Variants in DAO observed in about 807,000 individuals in gnomAD.
The protein encoded by DAO is D-amino acid oxidase.
In DAO, 51 loss-of-function variants were observed where a neutral mutation model predicts 50.1. The observed-to-expected ratio is 1.02, with a 90% CI of 0.81 to 1.29. The LOEUF (loss-of-function observed/expected upper bound fraction) is 1.29, where lower values mean the gene tolerates loss of function less well. DAO is among the 50% of genes most tolerant of loss of function. The probability of loss-of-function intolerance (pLI) is 0.00; values close to 1 mark genes in which losing one functional copy is unlikely to be tolerated. For synonymous variants in DAO, 160 were observed against 166.2 expected (o/e 0.96, Z 0.29); for missense variants, 436 against 439.4 (o/e 0.99, Z 0.07).
chr12:108,881,434 G>A (rs148471027), intron 1 of DAO, among the ~76,000 whole-genome samples: 1 of 137,566 alleles, frequency 7.3e-6, no homozygotes, highest in Non-Finnish European at 1.5e-5. Flanking sequence ...TCTGTCTCTG[G>A]CTTGTCATGA....
intron 7 of DAO, among the ~76,000 whole-genome samples, chr12:108,895,601 GGT>G (rs758373546): frequency 0.028 from 3,674 of 131,168 alleles, 164 homozygotes; most frequent in African/African-American, 0.098. Flanking sequence ...CGTGTGTGAT[GGT>G]GTGTGTGTGT....
chr12:108,897,050 A>G lies in DAO; in HGVS notation c.657A>G (p.Pro219=). The change falls in exon 8 of 11, where the codon CCA becomes CCG. Residue 219 remains proline (P), a synonymous_variant. Transcript: ENST00000228476. Reference sequence around the variant, plus strand: ...AGCACTTCATTCTCACCCATGACCCAGAGAGAGGCATCTACAATTCCCCGT... The same window carrying G: ...AGCACTTCATTCTCACCCATGACCCGGAGAGAGGCATCTACAATTCCCCGT... ...WMKHFILTHD[P]ERGIYNSPYI... The G allele has an allele frequency of 6.2e-7, 1 of 1,614,040 alleles. No individual in the cohort carries two copies. The highest frequency in any genetic ancestry group is 1.3e-5 in the African/African-American group (1 of 75,044).
At chr12:108,882,848 A>T (rs1300308861) in intron 1 of DAO, among the ~76,000 whole-genome samples, 1 of 152,136 alleles carries the variant, frequency 6.6e-6, no homozygotes, top group Non-Finnish European at 1.5e-5. Flanking sequence ...CATTGTTAAC[A>T]TATAAAAATG....
chr12:108,893,056 C>T lies in DAO; in HGVS notation c.507+20C>T, dbSNP rs551923561. 2.6e-5 allele frequency: 42 copies of T among 1,610,268 alleles called. No homozygotes were observed. The Middle Eastern group carries it at 7.1e-4, about 27-fold the overall frequency. ...GAGGAGGTGAGTTGCAGGGCTGATG[C>T]GGTGGATGGGGCAGGGAGAAGAGGG... On this transcript the variant is annotated intron_variant, in intron 6 of 10. Coordinates refer to ENST00000228476, the MANE Select transcript of DAO (RefSeq NM_001917.5).
intron 5 of DAO, among the ~76,000 whole-genome samples, chr12:108,891,873 TACAGGCG>T (rs2137352973): frequency 6.6e-6 from 1 of 152,284 alleles, no homozygotes; most frequent in South Asian, 2.1e-4. Context: ...GTGCTGGGAT[TACAGGCG>T]TGAGCAAACA....
chr12:108,887,427 C>G (rs759028407), intron 2 of DAO, 23 bp from the exon 3 acceptor site: 1 of 1,576,472 alleles, frequency 6.3e-7, no homozygotes, highest in Non-Finnish European at 8.7e-7. Context: ...ATTGGGTGAT[C>G]GAACTCTTCA....
intron 8 of DAO, among the ~76,000 whole-genome samples, chr12:108,897,497 G>A (rs959190194): frequency 1.2e-4 from 18 of 152,046 alleles, no homozygotes; most frequent in African/African-American, 4.3e-4. Flanking sequence ...GATTACAGGC[G>A]TGAGCCACCG....
At chr12:108,900,195 AT>A in intron 10 of DAO, 1 of 559,036 alleles carries the variant, frequency 1.8e-6, no homozygotes, top group South Asian at 1.9e-5. Context: ...CTATTTCCAG[AT>A]ATCCATTTTG....
chr12:108,880,599 G>A (rs1193385032), intron 1 of DAO, among the ~76,000 whole-genome samples: 1 of 150,870 alleles, frequency 6.6e-6, no homozygotes, highest in Non-Finnish European at 1.5e-5. Context: ...AACTTTTATA[G>A]CTTCTGTTCC....
intron 5 of DAO, among the ~76,000 whole-genome samples, chr12:108,890,728 GGAATCTTGCAGTGTTCTAAATTAGC>G (rs2039481990): frequency 6.6e-6 from 1 of 152,062 alleles, no homozygotes; most frequent in African/African-American, 2.4e-5. Context: ...CATGTTAATA[GGAATCTTGCAGTGTTCTAAATTAGC>G]AAACACTCAC....
intron 1 of DAO, among the ~76,000 whole-genome samples, chr12:108,881,719 C>T (rs912659386): frequency 6.6e-6 from 1 of 151,008 alleles, no homozygotes; most frequent in African/African-American, 2.4e-5. Flanking sequence ...ATTCTCCTGC[C>T]TCGGCCTCCC....
chr12:108,897,422 T>C (rs1347755803), intron 8 of DAO, among the ~76,000 whole-genome samples: 2 of 152,030 alleles, frequency 1.3e-5, no homozygotes, highest in Admixed American at 1.3e-4. Flanking sequence ...TTCACCATGT[T>C]GGCCAGGCTG....
intron 5 of DAO, 42 bp downstream of exon 5, chr12:108,890,315 G>T (rs927395317): frequency 4.7e-6 from 7 of 1,497,130 alleles, no homozygotes; most frequent in South Asian, 2.3e-5. Context: ...ACCTCCCAGA[G>T]ACCAAGTTGT....
chr12:108,897,433 G>A (rs893287102), intron 8 of DAO, among the ~76,000 whole-genome samples: 1 of 151,996 alleles, frequency 6.6e-6, no homozygotes, highest in African/African-American at 2.4e-5. Flanking sequence ...GGCCAGGCTG[G>A]TCTTGAACTC....
intron 5 of DAO, among the ~76,000 whole-genome samples, chr12:108,890,479 G>T (rs2039479973): frequency 6.6e-6 from 1 of 152,158 alleles, no homozygotes; most frequent in South Asian, 2.1e-4. Flanking sequence ...AGAACCACCT[G>T]GGCAGCTGTT....
At chr12:108,885,482 C>T (rs546513148) in intron 2 of DAO, among the ~76,000 whole-genome samples, 1 of 152,152 alleles carries the variant, frequency 6.6e-6, no homozygotes, top group South Asian at 2.1e-4. Flanking sequence ...TGGTGGCGCA[C>T]ACCTGTAATC....
chr12:108,885,888 G>A (rs578082299), intron 2 of DAO, among the ~76,000 whole-genome samples: 2 of 152,252 alleles, frequency 1.3e-5, no homozygotes, highest in South Asian at 4.1e-4. Flanking sequence ...CCAAGTAACT[G>A]GGATTACAGG....
At chr12:108,895,011 CA>C (rs1374615255) in intron 7 of DAO, among the ~76,000 whole-genome samples, 2 of 152,216 alleles carry the variant, frequency 1.3e-5, no homozygotes, top group Non-Finnish European at 2.9e-5. Context: ...CCACCACGCT[CA>C]GCCTATTGTG....
chr12:108,897,653 G>A (rs993446953), intron 8 of DAO, among the ~76,000 whole-genome samples: 1 of 151,980 alleles, frequency 6.6e-6, no homozygotes, highest in African/African-American at 2.4e-5. Context: ...GATGTAATGT[G>A]GTGACACTAA....
Sources: allele counts gnomAD v4.1 joint callset (sites outside exome capture counted in the v4.1 genomes callset), GRCh38; gene constraint gnomAD v4.1.1; transcripts MANE v1.5; gene names NCBI Gene and HGNC (gene_info 2026-07-23, HGNC 2026-07-21).